The following RABGEF1 variants were observed in gnomAD, a reference collection of about 807,000 sequenced individuals.
RABGEF1 encodes the protein RAB guanine nucleotide exchange factor 1.
RABGEF1 carries 26 observed loss-of-function variants against 57.3 expected under a neutral mutation model. That is an observed-to-expected ratio of 0.45 (90% confidence interval 0.33 to 0.63). The LOEUF is 0.63. Among genes scored for constraint, RABGEF1 ranks in the 20% least tolerant of loss-of-function variants. The pLI, the probability that RABGEF1 is intolerant of heterozygous loss-of-function variation, is 0.02. For synonymous variants in RABGEF1, 185 were observed against 210.7 expected (o/e 0.88, Z 1.06); for missense variants, 464 against 607.6 (o/e 0.76, Z 2.48).
Position 66,809,347 on chromosome 7 carries a change from C to A in RABGEF1, c.*63C>A. ...TGTAGGTAGCCCTTACTACACTCAA[C>A]TGATTGGGATCTAGAATGTAACTAA... On this transcript the variant is annotated 3_prime_UTR_variant, in exon 9 of 9. Transcript: ENST00000284957. 1 of 1,483,960 alleles carries A rather than the reference C, an allele frequency of 6.7e-7. No individual in the cohort carries two copies. The highest frequency in any genetic ancestry group is 9.1e-7 in the Non-Finnish European group (1 of 1,098,738). 91.9% of individuals were successfully genotyped at this position (1,483,960 alleles called of 1,614,324 possible).
chr7:66,693,451 A>G (rs10240153), intron 1 of RABGEF1, among the ~76,000 whole-genome samples: 15,842 of 151,978 alleles, frequency 0.1, 911 homozygotes, highest in Non-Finnish European at 0.11. Flanking sequence ...GGTAGGTCTC[A>G]TGCCCCTCCC....
Position 66,805,513 on chromosome 7 carries a change from G to A in RABGEF1, c.1077+117G>A, listed in dbSNP as rs1788236669. ...ATGCTTCTGTGTGAGAAGGCAGCATGGCTGAGGAAGCTCACTTTGCATCAG... is the reference window on the plus strand; with the variant it reads ...ATGCTTCTGTGTGAGAAGGCAGCATAGCTGAGGAAGCTCACTTTGCATCAG... On this transcript the variant is annotated intron_variant, in intron 8 of 8. Transcript: ENST00000284957. 5 of 1,451,606 alleles carry A rather than the reference G, an allele frequency of 3.4e-6. 1 individual carries two copies. The South Asian group carries it at 5.1e-5, about 15-fold the overall frequency. The allele number at this position is 1,451,606 out of a possible 1,614,324, so 89.9% of individuals were successfully genotyped here.
At chr7:66,708,912 G>C (rs1245738399) in intron 1 of RABGEF1, among the ~76,000 whole-genome samples, 2 of 151,902 alleles carry the variant, frequency 1.3e-5, no homozygotes, top group Non-Finnish European at 2.9e-5. Flanking sequence ...GAGGGGGATA[G>C]GGAAAAAAAG....
upstream of RABGEF1, among the ~76,000 whole-genome samples, chr7:66,738,488 T>C (rs1450130386): frequency 6.6e-6 from 1 of 151,950 alleles, no homozygotes; most frequent in Non-Finnish European, 1.5e-5. Context: ...CCAGCACTTT[T>C]GGAGGCCGGG....
intron 1 of RABGEF1, among the ~76,000 whole-genome samples, chr7:66,710,435 A>G (rs1794640521): frequency 6.6e-6 from 1 of 152,184 alleles, no homozygotes; most frequent in African/African-American, 2.4e-5. Context: ...GTAGGTATAT[A>G]TTTAATCTTT....
chr7:66,793,874 C>T lies in RABGEF1; in HGVS notation c.514-1637C>T, dbSNP rs191555143. 2.5e-3 allele frequency among the ~76,000 whole-genome samples: 383 copies of T among 152,278 alleles called. 2 individuals carry two copies. Among genetic ancestry groups the T allele is most frequent in the Admixed American group, 0.021 (316 of 15,296 alleles). ...TTCCACAGGATGTATCGGCCCTTGG[C>T]GTGTGAGGTCAGTGGCCTGTGTAGA... is the stretch of plus-strand genomic sequence containing the variant. On this transcript the variant is annotated intron_variant, in intron 4 of 8. Coordinates refer to ENST00000284957, the MANE Select transcript of RABGEF1 (RefSeq NM_014504.3).
chr7:66,793,979 C>T (rs561161066), intron 4 of RABGEF1, among the ~76,000 whole-genome samples: 16 of 152,082 alleles, frequency 1.1e-4, no homozygotes, highest in Middle Eastern at 3.2e-3. Context: ...TTATGAGAAC[C>T]GTTGGGAGAA....
rs773092217 is a variant in RABGEF1 at position 66,712,578 on chromosome 7, C to T, written c.-815+354C>T. Among the ~76,000 whole-genome samples, 10 of 152,178 alleles carry T rather than the reference C, an allele frequency of 6.6e-5. No homozygotes were observed. The South Asian group carries it at 1.5e-3, about 22-fold the overall frequency. On this transcript the variant is annotated intron_variant and NMD_transcript_variant, in intron 2 of 9. Transcript: ENST00000607882. Reference sequence around the variant, plus strand: ...CTCGACCTCCCGGGCTGAAGGGATCCTCGCACCTCAGCCTCCTGAGTAGCT... The same window carrying T: ...CTCGACCTCCCGGGCTGAAGGGATCTTCGCACCTCAGCCTCCTGAGTAGCT...
chr7:66,751,219 C>T (rs920340396), intron 1 of RABGEF1, among the ~76,000 whole-genome samples: 2 of 152,034 alleles, frequency 1.3e-5, no homozygotes, highest in Non-Finnish European at 2.9e-5. Context: ...TTAGTAGAGA[C>T]GGGGTTTCAC....
the RABGEF1 span, among the ~76,000 whole-genome samples, chr7:66,670,432 GA>G: frequency 9.9e-6 from 1 of 100,684 alleles, no homozygotes; most frequent in African/African-American, 4.0e-5. Context: ...TGAATGAGAT[GA>G]TTTTTTTTTT....
chr7:66,698,419 G>A (rs539252524), intron 1 of RABGEF1, among the ~76,000 whole-genome samples: 2 of 152,300 alleles, frequency 1.3e-5, no homozygotes, highest in South Asian at 4.1e-4. Flanking sequence ...TCAGAGGAGA[G>A]TGCAAGGTCC....
chr7:66,799,481 T>G, intron 7 of RABGEF1, 67 bp downstream of exon 7: 1 of 1,264,132 alleles, frequency 7.9e-7, no homozygotes, highest in Non-Finnish European at 1.1e-6. Flanking sequence ...TACTGTAATA[T>G]TCATCTATAC....
intron 1 of RABGEF1, among the ~76,000 whole-genome samples, chr7:66,692,866 G>T (rs1791732896): frequency 6.6e-6 from 1 of 152,198 alleles, no homozygotes; most frequent in African/African-American, 2.4e-5. Context: ...AAGTCAGCTG[G>T]CTCCTGGCAC....
At chr7:66,775,446 A>C (rs1808295151) in intron 3 of RABGEF1, 53 bp downstream of exon 3, 1 of 1,586,336 alleles carries the variant, frequency 6.3e-7, no homozygotes, top group Non-Finnish European at 8.6e-7. Flanking sequence ...GACACAGAGG[A>C]GATCCCCAAT....
intron 1 of RABGEF1, among the ~76,000 whole-genome samples, chr7:66,758,246 C>T (rs1054596532): frequency 6.6e-6 from 1 of 152,158 alleles, no homozygotes; most frequent in Non-Finnish European, 1.5e-5. Context: ...GGTTTGCATC[C>T]AGAGCCTTAA....
intron 1 of RABGEF1, among the ~76,000 whole-genome samples, chr7:66,752,732 T>A (rs1368477811): frequency 6.6e-5 from 10 of 152,260 alleles, no homozygotes; most frequent in Non-Finnish European, 1.2e-4. Context: ...TCAGAAACTC[T>A]GGGGTGGGAC....
chr7:66,783,025 A>T (rs181250868), intron 3 of RABGEF1, among the ~76,000 whole-genome samples: 2,461 of 152,210 alleles, frequency 0.016, 42 homozygotes, highest in Middle Eastern at 0.027. Flanking sequence ...TTATTTGAAG[A>T]GGGGAAAGAA....
chr7:66,692,226 A>G (rs146228619), intron 1 of RABGEF1, among the ~76,000 whole-genome samples: 120 of 152,348 alleles, frequency 7.9e-4, no homozygotes, highest in African/African-American at 2.8e-3. Flanking sequence ...AGAAAGTTCA[A>G]CTGGGCAGTG....
intron 2 of RABGEF1, among the ~76,000 whole-genome samples, chr7:66,713,525 G>T (rs1584875632): frequency 6.6e-6 from 1 of 152,040 alleles, no homozygotes; most frequent in African/African-American, 2.4e-5. Flanking sequence ...TTCTTTTCTT[G>T]CCTTATTGCC....
Sources: allele counts gnomAD v4.1 joint callset (sites outside exome capture counted in the v4.1 genomes callset), GRCh38; gene constraint gnomAD v4.1.1; transcripts MANE v1.5; gene names NCBI Gene and HGNC (gene_info 2026-07-23, HGNC 2026-07-21).